The following PTPRD variants were observed in gnomAD, a reference collection of about 807,000 sequenced individuals.
The protein encoded by PTPRD is receptor-type tyrosine-protein phosphatase delta.
PTPRD carries 34 observed loss-of-function variants against 214.5 expected under a neutral mutation model. That is an observed-to-expected ratio of 0.16 (90% CI 0.12 to 0.21). The LOEUF (loss-of-function observed/expected upper bound fraction) is 0.21. PTPRD is among the 10% of genes least tolerant of loss of function. The pLI is 1.00. For synonymous variants in PTPRD, 1,128 were observed against 845.7 expected, an observed-to-expected ratio of 1.33 and a Z score of -5.79; for missense variants, 2,545 against 2,398.7, an observed-to-expected ratio of 1.06 and a Z score of -1.27.
chr9:8,795,030 T>C (rs966612681), intron 11 of PTPRD, among the ~76,000 whole-genome samples: 1 of 152,150 alleles, frequency 6.6e-6, no homozygotes, highest in Admixed American at 6.5e-5. Flanking sequence ...CTTGAATTCA[T>C]AACATCTCTT....
intron 8 of PTPRD, among the ~76,000 whole-genome samples, chr9:9,562,857 A>T (rs2083330963): frequency 6.6e-6 from 1 of 152,108 alleles, no homozygotes; most frequent in Non-Finnish European, 1.5e-5. Flanking sequence ...ACCTTTAAAT[A>T]TGCTAGATTA....
At chr9:8,622,870 G>A (rs1030975387) in intron 14 of PTPRD, among the ~76,000 whole-genome samples, 5 of 151,866 alleles carry the variant, frequency 3.3e-5, no homozygotes, top group Non-Finnish European at 7.4e-5. Flanking sequence ...TGGTAGCAGC[G>A]GCTTATGCCT....
At chr9:8,748,522 CAA>C (rs1239091825) in intron 11 of PTPRD, among the ~76,000 whole-genome samples, 5 of 37,846 alleles carry the variant, frequency 1.3e-4, no homozygotes, top group East Asian at 1.5e-3. Flanking sequence ...CCTGCAACTG[CAA>C]AAAAAAAAAA....
At chr9:9,704,945 G>T (rs1306130163) in intron 7 of PTPRD, among the ~76,000 whole-genome samples, 1 of 152,116 alleles carries the variant, frequency 6.6e-6, no homozygotes, top group East Asian at 1.9e-4. Context: ...AAATTTATAA[G>T]AAAAAGTAAA....
intron 2 of PTPRD, among the ~76,000 whole-genome samples, chr9:10,554,892 C>T (rs1418674704): frequency 6.6e-6 from 1 of 152,176 alleles, no homozygotes; most frequent in Non-Finnish European, 1.5e-5. Flanking sequence ...GATCTCCTGA[C>T]CTCGTGATCC....
chr9:10,543,474 A>G (rs1356425465), intron 2 of PTPRD, among the ~76,000 whole-genome samples: 4 of 95,140 alleles, frequency 4.2e-5, no homozygotes, highest in Admixed American at 2.8e-4. Context: ...TTTAATATAT[A>G]TATATACACA....
chr9:8,739,568 A>T (rs2091389457), intron 11 of PTPRD, among the ~76,000 whole-genome samples: 1 of 152,164 alleles, frequency 6.6e-6, no homozygotes, highest in African/African-American at 2.4e-5. Flanking sequence ...CTGAACAGAA[A>T]GTCAGTGTTT....
In PTPRD at chr9:8,439,935, A is replaced by ATTTT. The variant is rs1166530719; in HGVS notation, c.3989-3250_3989-3247dup. 6.0e-3 allele frequency among the ~76,000 whole-genome samples: 440 copies of ATTTT among 73,290 alleles called. 31 individuals are homozygous for ATTTT. The highest frequency in any genetic ancestry group is 0.013 in the African/African-American group (232 of 18,444). The allele number at this position is 73,290 out of a possible 152,430, so 48.1% of individuals were successfully genotyped here. On this transcript the variant is annotated intron_variant, in intron 34 of 45. Transcript: ENST00000381196. ...CATTTAAATTACTTGATGTGCTTTA[A>ATTTT]TTTTTTTTTTTTTTTTTTTTTTTTT...
intron 8 of PTPRD, among the ~76,000 whole-genome samples, chr9:9,545,323 C>A (rs1384107878): frequency 2.0e-5 from 3 of 151,766 alleles, no homozygotes; most frequent in Non-Finnish European, 2.9e-5. Flanking sequence ...CTTTCTCTAA[C>A]CCCTGACAAC....
chr9:8,643,378 GAAGA>G (rs199686783), intron 12 of PTPRD, among the ~76,000 whole-genome samples: 1 of 152,044 alleles, frequency 6.6e-6, no homozygotes. Flanking sequence ...AGGAAGGCAG[GAAGA>G]AAGAAAGGAA....
intron 8 of PTPRD, among the ~76,000 whole-genome samples, chr9:9,429,215 G>T (rs1489369566): frequency 6.6e-6 from 1 of 151,940 alleles, no homozygotes; most frequent in East Asian, 1.9e-4. Flanking sequence ...ATGACAAAGG[G>T]GATATCACCA....
chr9:10,050,559 C>CAAAAAAAAAAAAAAAAAAA (rs1164243746), intron 3 of PTPRD, among the ~76,000 whole-genome samples: 2 of 13,996 alleles, frequency 1.4e-4, no homozygotes, highest in East Asian at 2.7e-3. Flanking sequence ...GAGTCTGTCT[C>CAAAAAAAAAAAAAAAAAAA]AAAAAAAAAA....
intron 7 of PTPRD, among the ~76,000 whole-genome samples, chr9:9,619,877 T>C (rs1462119498): frequency 2.0e-5 from 3 of 148,938 alleles, no homozygotes; most frequent in African/African-American, 7.3e-5. Context: ...ATATATAATA[T>C]AGATGTTTTT....
At chr9:9,820,026 A>G (rs1415939667) in intron 5 of PTPRD, among the ~76,000 whole-genome samples, 1 of 152,142 alleles carries the variant, frequency 6.6e-6, no homozygotes, top group Non-Finnish European at 1.5e-5. Flanking sequence ...GCTGGGTTGT[A>G]TGATAGTCCT....
At chr9:10,252,949 C>A (rs1396795217) in intron 3 of PTPRD, among the ~76,000 whole-genome samples, 4 of 151,874 alleles carry the variant, frequency 2.6e-5, no homozygotes, top group African/African-American at 9.7e-5. Flanking sequence ...ACACCCGGCT[C>A]ATTTTTATAT....
At chr9:9,058,325 T>A (rs1340357307) in intron 10 of PTPRD, among the ~76,000 whole-genome samples, 1 of 152,068 alleles carries the variant, frequency 6.6e-6, no homozygotes, top group Non-Finnish European at 1.5e-5. Flanking sequence ...ATAATCTGTT[T>A]TGCTTCTGAT....
chr9:8,530,257 A>G (rs969413861), intron 14 of PTPRD, among the ~76,000 whole-genome samples: 6 of 151,902 alleles, frequency 3.9e-5, no homozygotes, highest in African/African-American at 1.5e-4. Flanking sequence ...CCTAAACCTC[A>G]CTAGCAAAGT....
intron 12 of PTPRD, among the ~76,000 whole-genome samples, chr9:8,657,072 T>C (rs1334554267): frequency 1.3e-5 from 2 of 152,198 alleles, no homozygotes; most frequent in Admixed American, 1.3e-4. Context: ...TGCATTTCTC[T>C]AATGATCAGT....
chr9:9,783,701 T>A (rs543856434), intron 5 of PTPRD, among the ~76,000 whole-genome samples: 2 of 151,888 alleles, frequency 1.3e-5, no homozygotes, highest in Non-Finnish European at 2.9e-5. Flanking sequence ...TGCCAGTTCC[T>A]CCCCTCCCAA....
Sources: gnomAD v4.1 joint callset for allele counts (sites outside exome capture counted in the v4.1 genomes callset) on GRCh38, gnomAD v4.1.1 for gene constraint, MANE v1.5 for transcripts, NCBI Gene and HGNC (gene_info 2026-07-23, HGNC 2026-07-21) for gene names.